The following FRMD6 variants were observed in gnomAD, a reference collection of about 807,000 sequenced individuals.
The protein encoded by FRMD6 is FERM domain containing 6, also known as FERM domain-containing protein 6.
A neutral mutation model predicts 73.2 loss-of-function variants in FRMD6; 37 were observed. The ratio of observed to expected loss-of-function variants is 0.51; its 90% CI spans 0.39 to 0.66. The LOEUF (loss-of-function observed/expected upper bound fraction) is 0.66. FRMD6 is among the 30% of genes least tolerant of loss of function. The pLI is 0.00. For missense variants in FRMD6, 714 were observed against 780.5 expected (o/e 0.91, Z 1.02); for synonymous variants, 273 against 282.2 (o/e 0.97, Z 0.33).
intron 1 of FRMD6, among the ~76,000 whole-genome samples, chr14:51,682,400 G>T (rs561220782): frequency 4.0e-5 from 6 of 151,876 alleles, no homozygotes; most frequent in African/African-American, 1.4e-4. Flanking sequence ...ATCAATGTTG[G>T]TATAGCCAGA....
chr14:51,488,351 G>C (rs73283289), upstream of FRMD6, among the ~76,000 whole-genome samples: 3,184 of 152,284 alleles, frequency 0.021, 106 homozygotes, highest in African/African-American at 0.07. Context: ...AAAACAAGAT[G>C]GAATAGATGT....
intron 1 of FRMD6, among the ~76,000 whole-genome samples, chr14:51,531,005 C>T (rs1185493129): frequency 6.6e-6 from 1 of 152,164 alleles, no homozygotes; most frequent in Admixed American, 6.5e-5. Context: ...TTTCTTCCTG[C>T]ATCTTCTCAT....
At chr14:51,654,022 G>A (rs1164202868) in intron 1 of FRMD6, among the ~76,000 whole-genome samples, 1 of 152,178 alleles carries the variant, frequency 6.6e-6, no homozygotes, top group Admixed American at 6.5e-5. Flanking sequence ...ATGGGCTACA[G>A]TAATCAGCAG....
intron 1 of FRMD6, among the ~76,000 whole-genome samples, chr14:51,549,763 T>G (rs961672598): frequency 6.6e-6 from 1 of 151,732 alleles, no homozygotes. Flanking sequence ...GCCCGGCTAG[T>G]TTTTTGTATT....
chr14:51,544,012 T>C (rs1886336316), intron 1 of FRMD6, among the ~76,000 whole-genome samples: 2 of 151,918 alleles, frequency 1.3e-5, no homozygotes, highest in African/African-American at 4.8e-5. Flanking sequence ...TTCAAACATA[T>C]AAAAAATTCT....
chr14:51,581,700 T>C (rs2139662986), intron 2 of FRMD6, among the ~76,000 whole-genome samples: 1 of 152,364 alleles, frequency 6.6e-6, no homozygotes, highest in African/African-American at 2.4e-5. Context: ...TCCAGATACT[T>C]GCCGAATTCT....
At chr14:51,533,544 A>C (rs1885712039) in intron 1 of FRMD6, among the ~76,000 whole-genome samples, 1 of 152,172 alleles carries the variant, frequency 6.6e-6, no homozygotes, top group South Asian at 2.1e-4. Context: ...CCTAGTACTG[A>C]GTCTCACCAA....
the FRMD6 span, among the ~76,000 whole-genome samples, chr14:51,471,482 CAG>C: frequency 6.8e-6 from 1 of 146,334 alleles, no homozygotes; most frequent in Admixed American, 6.9e-5. Context: ...GCCTGGGTGA[CAG>C]AGCCAGACTC....
intron 1 of FRMD6, among the ~76,000 whole-genome samples, chr14:51,504,959 A>G (rs1883866087): frequency 6.6e-6 from 1 of 152,204 alleles, no homozygotes; most frequent in Non-Finnish European, 1.5e-5. Flanking sequence ...CCATGCTCCT[A>G]TTCCTTCTCA....
the FRMD6 span, among the ~76,000 whole-genome samples, chr14:51,423,178 G>A: frequency 1.3e-5 from 2 of 152,176 alleles, no homozygotes. Context: ...CAGCACATAA[G>A]TCTCAGGATA....
At chr14:51,726,015 GAATT>G (rs1350728467) in intron 13 of FRMD6, 145 bp downstream of exon 13, 1 of 543,208 alleles carries the variant, frequency 1.8e-6, no homozygotes, top group African/African-American at 1.9e-5. Flanking sequence ...GCTTTATTCT[GAATT>G]TATTTCCATC....
the FRMD6 span, among the ~76,000 whole-genome samples, chr14:51,462,088 AAAAG>A: frequency 2.0e-5 from 3 of 152,256 alleles, no homozygotes; most frequent in Non-Finnish European, 4.4e-5. Flanking sequence ...AAGAAGGAAG[AAAAG>A]AAAGAAAGAA....
intron 2 of FRMD6, among the ~76,000 whole-genome samples, chr14:51,582,665 A>G (rs2139668944): frequency 6.6e-6 from 1 of 152,296 alleles, no homozygotes; most frequent in South Asian, 2.1e-4. Flanking sequence ...CTGCCAGTGG[A>G]ATGTAATATT....
At chr14:51,609,133 T>G (rs1890386218) in intron 2 of FRMD6, among the ~76,000 whole-genome samples, 1 of 152,192 alleles carries the variant, frequency 6.6e-6, no homozygotes, top group Non-Finnish European at 1.5e-5. Flanking sequence ...GAATCAGAAA[T>G]GTACATTTAA....
At chr14:51,580,159 AT>A (rs1401229422) in intron 2 of FRMD6, among the ~76,000 whole-genome samples, 1 of 151,612 alleles carries the variant, frequency 6.6e-6, no homozygotes, top group Non-Finnish European at 1.5e-5. Context: ...TATGTTTGTG[AT>A]CTGTCAACCC....
chr14:51,450,909 G>A, the FRMD6 span, among the ~76,000 whole-genome samples: 13 of 152,314 alleles, frequency 8.5e-5, no homozygotes, highest in African/African-American at 3.1e-4. Flanking sequence ...TGGCAGCCCA[G>A]AGGAAAAGAC....
chr14:51,631,709 CT>C (rs1891343673), intron 2 of FRMD6, among the ~76,000 whole-genome samples: 1 of 152,146 alleles, frequency 6.6e-6, no homozygotes, highest in African/African-American at 2.4e-5. Flanking sequence ...AATTTTAGGG[CT>C]TTAAATGCAA....
chr14:51,619,280 A>G (rs1348090446), intron 2 of FRMD6, among the ~76,000 whole-genome samples: 2 of 152,092 alleles, frequency 1.3e-5, no homozygotes, highest in Non-Finnish European at 2.9e-5. Flanking sequence ...CAATTGCCCA[A>G]TGGATACAGT....
At chr14:51,502,191 T>C (rs544726038) in intron 1 of FRMD6, among the ~76,000 whole-genome samples, 1 of 152,352 alleles carries the variant, frequency 6.6e-6, no homozygotes, top group East Asian at 1.9e-4. Flanking sequence ...GTACAGAAGC[T>C]CTTTAGATTA....
Sources: allele counts gnomAD v4.1 joint callset (sites outside exome capture counted in the v4.1 genomes callset), GRCh38; gene constraint gnomAD v4.1.1; transcripts MANE v1.5; gene names NCBI Gene and HGNC (gene_info 2026-07-23, HGNC 2026-07-21).